The following SLC2A13 variants were observed in gnomAD, a reference collection of about 807,000 sequenced individuals.
SLC2A13 encodes proton myo-inositol cotransporter.
A neutral mutation model predicts 64.4 loss-of-function variants in SLC2A13; 32 were observed. That is an observed-to-expected ratio of 0.50 (90% CI 0.37 to 0.67). The LOEUF (loss-of-function observed/expected upper bound fraction) is 0.67, where lower values mean the gene tolerates loss of function less well. Among genes scored for constraint, SLC2A13 ranks in the 30% least tolerant of loss-of-function variants. SLC2A13 has a pLI of 0.00. For synonymous variants in SLC2A13, 338 were observed against 327.1 expected (o/e 1.03, Z -0.36); for missense variants, 743 against 829.2 (o/e 0.90, Z 1.28).
intron 4 of SLC2A13, among the ~76,000 whole-genome samples, chr12:39,891,508 A>C (rs551918749): frequency 1.3e-5 from 2 of 152,294 alleles, no homozygotes; most frequent in Non-Finnish European, 2.9e-5. Flanking sequence ...TAATATATTT[A>C]CTCAACTCTA....
At position 39,953,748 on chromosome 12, in the gene SLC2A13, A is replaced by T. The variant is rs547387767; in HGVS notation, c.926-2383T>A. Among the ~76,000 whole-genome samples, 22 of 152,316 alleles carry T rather than the reference A, an allele frequency of 1.4e-4. No homozygotes were observed. The East Asian group carries it at 4.2e-3, about 29-fold the overall frequency. ...TTAGAAATAAAAGACCTAAAATATA[A>T]CCCATAGTAAAGCAGTAGATTCAAG... On this transcript the variant is annotated intron_variant, in intron 3 of 9. Transcript: ENST00000280871.
At chr12:39,896,540 G>A (rs1387137642) in intron 4 of SLC2A13, among the ~76,000 whole-genome samples, 1 of 142,046 alleles carries the variant, frequency 7.0e-6, no homozygotes, top group Non-Finnish European at 1.5e-5. Context: ...ATGTATGTAT[G>A]TATGTGTGTA....
intron 3 of SLC2A13, among the ~76,000 whole-genome samples, chr12:40,025,656 G>C (rs1374355934): frequency 1.3e-5 from 2 of 152,168 alleles, no homozygotes; most frequent in African/African-American, 4.8e-5. Context: ...GGAATATCAG[G>C]ATAATTTGTG....
intron 3 of SLC2A13, among the ~76,000 whole-genome samples, chr12:39,972,062 A>T (rs7967331): frequency 2.1e-4 from 3 of 14,394 alleles, no homozygotes; most frequent in East Asian, 1.9e-3. Context: ...ATATATAAAA[A>T]TTATATATAT....
chr12:40,100,390 AAC>A (rs1409802327), intron 1 of SLC2A13, among the ~76,000 whole-genome samples: 2 of 152,242 alleles, frequency 1.3e-5, no homozygotes, highest in East Asian at 3.8e-4. Flanking sequence ...AATAAATGCC[AAC>A]ACCAGGGAGA....
At chr12:39,883,350 C>G (rs566386842) in intron 4 of SLC2A13, among the ~76,000 whole-genome samples, 1 of 152,154 alleles carries the variant, frequency 6.6e-6, no homozygotes, top group Non-Finnish European at 1.5e-5. Flanking sequence ...TTTGTGTTCC[C>G]AGGTGCCCTC....
intron 6 of SLC2A13, among the ~76,000 whole-genome samples, chr12:39,840,764 T>C (rs1053647141): frequency 2.6e-5 from 4 of 152,160 alleles, no homozygotes; most frequent in African/African-American, 7.2e-5. Flanking sequence ...TCATGCTGTG[T>C]TTGCTTTCCC....
chr12:40,105,216 T>G lies in SLC2A13; in HGVS notation c.556+37A>C. ...CACCCAGGGTCAAGGGCGGTGACAA[T>G]GGGATCCCGGGCGCCCTTCACGGAG... On this transcript the variant is annotated intron_variant, in intron 1 of 9. Transcript: ENST00000280871. The surrounding 1 kb of genome is among the most constrained non-coding windows in gnomAD (Gnocchi z 4.2). 6.6e-7 allele frequency: 1 copy of G among 1,518,276 alleles called. No individual in the cohort carries two copies. The highest frequency in any genetic ancestry group is 2.4e-5 in the East Asian group (1 of 41,102). 94.1% of individuals were successfully genotyped at this position (1,518,276 alleles called of 1,614,324 possible).
chr12:40,070,572 A>G (rs942235778), intron 1 of SLC2A13, among the ~76,000 whole-genome samples: 1 of 152,200 alleles, frequency 6.6e-6, no homozygotes, highest in African/African-American at 2.4e-5. Context: ...CTCAATAAGA[A>G]CTGAAAAGGA....
At chr12:39,907,816 T>G (rs1349728874) in intron 4 of SLC2A13, 2 of 152,164 alleles carry the variant, frequency 1.3e-5, no homozygotes, top group African/African-American at 4.8e-5. Context: ...TGCCTGATTC[T>G]CCACTTTCTC....
At chr12:39,960,953 G>C (rs1946401903) in intron 3 of SLC2A13, among the ~76,000 whole-genome samples, 1 of 151,450 alleles carries the variant, frequency 6.6e-6, no homozygotes, top group East Asian at 1.9e-4. Flanking sequence ...CACCACGTTG[G>C]CCATGCTGGT....
At chr12:39,865,880 G>A (rs1943896149) in intron 5 of SLC2A13, among the ~76,000 whole-genome samples, 1 of 152,164 alleles carries the variant, frequency 6.6e-6, no homozygotes, top group South Asian at 2.1e-4. Context: ...TTACTTGGGG[G>A]TAGAGGGTGG....
chr12:39,954,086 T>C (rs1450625432), intron 3 of SLC2A13, among the ~76,000 whole-genome samples: 3 of 152,170 alleles, frequency 2.0e-5, no homozygotes, highest in Non-Finnish European at 4.4e-5. Context: ...TAGAAAGCCA[T>C]GCAAAAATGC....
chr12:39,940,426 C>T (rs1369867898), intron 4 of SLC2A13, among the ~76,000 whole-genome samples: 1 of 151,674 alleles, frequency 6.6e-6, no homozygotes, highest in Admixed American at 6.6e-5. Context: ...TTTTTTAATA[C>T]CAGCTGTGCT....
At chr12:39,973,809 TTC>T (rs1288806933) in intron 3 of SLC2A13, among the ~76,000 whole-genome samples, 1 of 152,254 alleles carries the variant, frequency 6.6e-6, no homozygotes, top group African/African-American at 2.4e-5. Flanking sequence ...TGTCTTGTTT[TTC>T]TCTCTTAGTA....
intron 3 of SLC2A13, among the ~76,000 whole-genome samples, chr12:39,989,188 T>G (rs1413829879): frequency 6.6e-6 from 1 of 152,134 alleles, no homozygotes; most frequent in Non-Finnish European, 1.5e-5. Context: ...AAACTCTCCA[T>G]GCCAATTCTG....
In SLC2A13 at chr12:39,942,515, T is replaced by C. The variant is rs1946050386; in HGVS notation, c.1034+8742A>G. ...GTTCTTGATTTGATTCTCTGCTTGGTTGCTGTTGGTGTATAGAAGAGCTAC... is the reference window on the plus strand; with the variant it reads ...GTTCTTGATTTGATTCTCTGCTTGGCTGCTGTTGGTGTATAGAAGAGCTAC... On this transcript the variant is annotated intron_variant, in intron 4 of 9. Transcript: ENST00000280871. Among the ~76,000 whole-genome samples the C allele has an allele frequency of 2.6e-5, 4 of 152,196 alleles. No homozygotes were observed. In the South Asian group the frequency reaches 6.2e-4, roughly 24 times the overall value.
chr12:40,077,579 T>C (rs1323078953), intron 1 of SLC2A13, among the ~76,000 whole-genome samples: 1 of 152,120 alleles, frequency 6.6e-6, no homozygotes, highest in Non-Finnish European at 1.5e-5. Context: ...TTGAAGTTGG[T>C]AGGATGATGC....
chr12:39,889,932 G>A (rs1010182572), intron 4 of SLC2A13, among the ~76,000 whole-genome samples: 3 of 151,944 alleles, frequency 2.0e-5, no homozygotes, highest in African/African-American at 7.3e-5. Context: ...ATAATTCTTT[G>A]TATCTTCATC....
Sources: allele counts gnomAD v4.1 joint callset (sites outside exome capture counted in the v4.1 genomes callset), GRCh38; gene constraint gnomAD v4.1.1; non-coding constraint Gnocchi (gnomAD v3.1); transcripts MANE v1.5; gene names NCBI Gene and HGNC (gene_info 2026-07-23, HGNC 2026-07-21).